The following GINM1 variants were observed in gnomAD, a reference collection of about 807,000 sequenced individuals.
GINM1 encodes glycosylated integral membrane protein 1.
Under a neutral mutation model 37.8 loss-of-function variants are expected in GINM1, and 29 were observed. The observed-to-expected ratio is 0.77, with a 90% CI of 0.57 to 1.05. The LOEUF is 1.05. Ranked by LOEUF, GINM1 falls within the 50% of genes least tolerant of loss-of-function variation. The pLI, the probability that GINM1 is intolerant of heterozygous loss-of-function variation, is 0.00. For synonymous variants in GINM1, 143 were observed against 146.2 expected, an observed-to-expected ratio of 0.98 and a Z score of 0.16; for missense variants, 377 against 397.9, an observed-to-expected ratio of 0.95 and a Z score of 0.45.
chr6:149,572,561 G>A lies in GINM1; in HGVS notation c.235G>A (p.Val79Ile). 1 of 1,606,838 alleles carries A rather than the reference G, an allele frequency of 6.2e-7. No individual in the cohort carries two copies. The highest frequency in any genetic ancestry group is 8.5e-7 in the Non-Finnish European group (1 of 1,174,242). Residue 79 changes from valine to isoleucine, a missense_variant, in exon 3 of 8, where the codon GTA becomes ATA. Coordinates refer to ENST00000367419, the MANE Select transcript of GINM1 (RefSeq NM_138785.5). ...SGQVYVNDLP[V>I]NSGVTRISCQ... Reference sequence around the variant, plus strand: ...ACAGGTGTATGTAAATGACTTACCTGTAAATAGTGGTGTAACCCGAATAAG... The same window carrying A: ...ACAGGTGTATGTAAATGACTTACCTATAAATAGTGGTGTAACCCGAATAAG...
chr6:149,578,802 CACT>C lies in GINM1; in HGVS notation c.278-16_278-14del. ...GGTGGTAATCTTTGTTCAAAGGTGT[CACT>C]ACTTTTTTTTTTATAGTGAAGAATG... On this transcript the variant is annotated splice_polypyrimidine_tract_variant and intron_variant, in intron 3 of 7. Coordinates refer to ENST00000367419, the MANE Select transcript of GINM1 (RefSeq NM_138785.5). 4 of 1,498,236 alleles carry C rather than the reference CACT, an allele frequency of 2.7e-6. No individual in the cohort carries two copies. The highest frequency in any genetic ancestry group is 3.7e-6 in the Non-Finnish European group (4 of 1,090,396). The allele number at this position is 1,498,236 out of a possible 1,614,324, so 92.8% of individuals were successfully genotyped here. A position where few individuals can be genotyped will look rare whatever the true frequency, so the allele number is the denominator to read the frequency against.
chr6:149,589,991 TG>T (rs1319456874), intron 7 of GINM1, among the ~76,000 whole-genome samples: 1 of 152,096 alleles, frequency 6.6e-6, no homozygotes, highest in Non-Finnish European at 1.5e-5. Context: ...TTAGTAGAGA[TG>T]GGGTTTTGCC....
intron 3 of GINM1, among the ~76,000 whole-genome samples, chr6:149,573,468 C>T (rs1777861164): frequency 6.6e-6 from 1 of 152,168 alleles, no homozygotes; most frequent in African/African-American, 2.4e-5. Flanking sequence ...TGTACAATAA[C>T]ACTAATGTGT....
intron 3 of GINM1, among the ~76,000 whole-genome samples, chr6:149,577,812 ATGT>A (rs1777937144): frequency 6.6e-6 from 1 of 152,098 alleles, no homozygotes; most frequent in Non-Finnish European, 1.5e-5. Context: ...GCATTGGTGT[ATGT>A]TGTTTTATCT....
rs556669061 is a variant in GINM1, at chr6:149,591,158, G to A, written c.*320G>A. ...AATAAAAAAATTAGCTGGGTGTGGC[G>A]GTGCACGCCTGTAGTCCCAGCTACT... is the stretch of plus-strand genomic sequence containing the variant. On this transcript the variant is annotated 3_prime_UTR_variant, in exon 8 of 8. Transcript: ENST00000367419. 1.6e-4 allele frequency: 29 copies of A among 179,654 alleles called. No individual in the cohort carries two copies. Among genetic ancestry groups the A allele is most frequent in the South Asian group, 4.9e-4 (4 of 8,168 alleles). The allele number at this position is 179,654 out of a possible 1,614,324, so 11.1% of individuals were successfully genotyped here. A position where few individuals can be genotyped will look rare whatever the true frequency, so the allele number is the denominator to read the frequency against.
rs763289534 is a variant in GINM1, at chr6:149,572,558, C to G, written c.232C>G (p.Pro78Ala). The change falls in exon 3 of 8, where the codon CCT (proline) becomes GCT (alanine). Residue 78 changes from proline to alanine, a missense_variant. Transcript: ENST00000367419. ...TGGACAGGTGTATGTAAATGACTTA[C>G]CTGTAAATAGTGGTGTAACCCGAAT... Reference protein sequence around the residue: ...ESGQVYVNDLPVNSGVTRISC... With the variant: ...ESGQVYVNDLAVNSGVTRISC... 3.1e-6 allele frequency: 5 copies of G among 1,607,568 alleles called. No individual in the cohort carries two copies. The highest frequency in any genetic ancestry group is 1.1e-5 in the South Asian group (1 of 90,676).
At chr6:149,579,483 G>A (rs1777965320) in intron 4 of GINM1, among the ~76,000 whole-genome samples, 1 of 151,340 alleles carries the variant, frequency 6.6e-6, no homozygotes. Flanking sequence ...CTGAGGTCAG[G>A]AGTTCTAGAC....
intron 3 of GINM1, among the ~76,000 whole-genome samples, chr6:149,574,471 CTG>C (rs375054580): frequency 6.6e-6 from 1 of 152,156 alleles, no homozygotes; most frequent in African/African-American, 2.4e-5. Flanking sequence ...CCCAACTGTT[CTG>C]TGTTTCTTTT....
Position 149,566,497 on chromosome 6 carries a change from G to A in GINM1, c.83G>A (p.Gly28Asp). The A allele has an allele frequency of 6.5e-7, 1 of 1,537,816 alleles. No homozygotes were observed. The highest frequency in any genetic ancestry group is 2.1e-4 in the Middle Eastern group (1 of 4,752). ...CCCGCCTCCGGCTGGCTGACGACGG[G>A]CGCCCCCGAGCCGCCGCCGCTGTCC... ...ALPASGWLTT[G>D]APEPPPLSGA... is the part of the protein sequence containing the mutation. The change falls in exon 1 of 8, where the codon GGC becomes GAC. Residue 28 changes from glycine (G) to aspartate (D), a missense_variant. By Grantham distance (94) the Gly-to-Asp change is moderately conservative. Coordinates refer to ENST00000367419, the MANE Select transcript of GINM1 (RefSeq NM_138785.5). This position sits in a 1 kb window ranked among gnomAD's most constrained non-coding sequence, Gnocchi z 4.4.
chr6:149,571,027 C>G (rs1336587065), intron 1 of GINM1, among the ~76,000 whole-genome samples: 1 of 151,918 alleles, frequency 6.6e-6, no homozygotes, highest in Non-Finnish European at 1.5e-5. Context: ...AGGGTCAGTG[C>G]AACTTTGGTC....
chr6:149,582,431 CT>C lies in GINM1; in HGVS notation c.718-4del. 6.3e-7 allele frequency: 1 copy of C among 1,596,846 alleles called. No homozygotes were observed. Among genetic ancestry groups the C allele is most frequent in the South Asian group, 1.2e-5 (1 of 86,254 alleles). ...CAACTTGCATATCTAATCGAAATTC[CT>C]TTTTCAGGTAATGTGTCAGTGGATG... On this transcript the variant is annotated splice_region_variant and splice_polypyrimidine_tract_variant and intron_variant, in intron 6 of 7. Transcript: ENST00000367419.
At chr6:149,567,516 C>CT (rs1035545575) in intron 1 of GINM1, among the ~76,000 whole-genome samples, 1 of 152,128 alleles carries the variant, frequency 6.6e-6, no homozygotes, top group Non-Finnish European at 1.5e-5. Context: ...TTGCAGGTGC[C>CT]TGTAGTCCCA....
chr6:149,579,028 A>G, intron 4 of GINM1, 55 bp downstream of exon 4: 3 of 1,106,274 alleles, frequency 2.7e-6, no homozygotes, highest in East Asian at 2.5e-5. Flanking sequence ...TTTGTGCTAG[A>G]TATTATGCAT....
At chr6:149,575,474 C>T (rs901266047) in intron 3 of GINM1, among the ~76,000 whole-genome samples, 1 of 152,194 alleles carries the variant, frequency 6.6e-6, no homozygotes, top group African/African-American at 2.4e-5. Context: ...GCCTCCTAGT[C>T]GTTGCTTTCT....
At chr6:149,570,225 G>T in intron 1 of GINM1, among the ~76,000 whole-genome samples, 1 of 126,066 alleles carries the variant, frequency 7.9e-6, no homozygotes, top group Non-Finnish European at 1.6e-5. Context: ...TAACAATATA[G>T]TGTTCACTGC....
At chr6:149,569,033 G>GT (rs1350345087) in intron 1 of GINM1, among the ~76,000 whole-genome samples, 2 of 148,046 alleles carry the variant, frequency 1.4e-5, no homozygotes, top group Non-Finnish European at 3.0e-5. Context: ...TTTATTTTTT[G>GT]TTTTTTATTT....
At chr6:149,578,995 T>C (rs1474302395) in intron 4 of GINM1, 22 bp downstream of exon 4, 7 of 1,405,830 alleles carry the variant, frequency 5.0e-6, no homozygotes, top group East Asian at 2.3e-5. Flanking sequence ...TGTTTATTAA[T>C]TGGGAATTAA....
At chr6:149,581,740 A>C (rs1778005769) in intron 6 of GINM1, among the ~76,000 whole-genome samples, 1 of 152,078 alleles carries the variant, frequency 6.6e-6, no homozygotes, top group Non-Finnish European at 1.5e-5. Context: ...TATTAAGTAG[A>C]CTCCTACCCA....
intron 7 of GINM1, among the ~76,000 whole-genome samples, chr6:149,584,234 C>T (rs1386365396): frequency 2.6e-5 from 4 of 152,142 alleles, no homozygotes; most frequent in South Asian, 2.1e-4. Flanking sequence ...GATCACGTCT[C>T]GGCCTCCCAA....
Sources: gnomAD v4.1 joint callset for allele counts (sites outside exome capture counted in the v4.1 genomes callset) on GRCh38, gnomAD v4.1.1 for gene constraint, Gnocchi (gnomAD v3.1) non-coding constraint, MANE v1.5 for transcripts, NCBI Gene and HGNC (gene_info 2026-07-23, HGNC 2026-07-21) for gene names.